VEGFC: variants seen among roughly 807,000 people sequenced by gnomAD.
VEGFC encodes vascular endothelial growth factor C.
VEGFC carries 12 observed loss-of-function variants against 46.1 expected under a neutral mutation model. The ratio of observed to expected loss-of-function variants is 0.26; its 90% CI spans 0.17 to 0.42. The LOEUF (loss-of-function observed/expected upper bound fraction) is 0.42, where lower values mean the gene tolerates loss of function less well. VEGFC is among the 10% of genes least tolerant of loss of function. The probability of loss-of-function intolerance (pLI) is 1.00; values close to 1 mark genes in which losing one functional copy is unlikely to be tolerated. For synonymous variants in VEGFC, 232 were observed against 195.5 expected (o/e 1.19, Z -1.56); for missense variants, 488 against 529.4 (o/e 0.92, Z 0.77).
chr4:176,692,978 C>A (rs1181970870), intron 4 of VEGFC, among the ~76,000 whole-genome samples: 3 of 150,502 alleles, frequency 2.0e-5, no homozygotes, highest in Non-Finnish European at 4.4e-5. Context: ...CCCATCTGTA[C>A]ATCACCATCA....
chr4:176,774,573 C>T (rs1735782575), intron 1 of VEGFC, among the ~76,000 whole-genome samples: 3 of 151,938 alleles, frequency 2.0e-5, no homozygotes, highest in South Asian at 4.2e-4. Context: ...AATATGAAAC[C>T]AAAAATTTAA....
At chr4:176,702,495 A>G (rs1734451290) in intron 4 of VEGFC, among the ~76,000 whole-genome samples, 1 of 152,130 alleles carries the variant, frequency 6.6e-6, no homozygotes, top group Non-Finnish European at 1.5e-5. Flanking sequence ...CTACCCAGAA[A>G]CAACCTCTGC....
chr4:176,783,712 G>A (rs1289477855), intron 1 of VEGFC, among the ~76,000 whole-genome samples: 3 of 152,126 alleles, frequency 2.0e-5, no homozygotes, highest in Non-Finnish European at 4.4e-5. Flanking sequence ...GCACCCAGGG[G>A]AAGTGGGAAC....
chr4:176,741,829 C>T (rs1735180885), intron 1 of VEGFC, among the ~76,000 whole-genome samples: 1 of 151,934 alleles, frequency 6.6e-6, no homozygotes, highest in African/African-American at 2.4e-5. Context: ...ATAAATGATA[C>T]ATTATTAAAG....
chr4:176,692,177 G>A (rs1323113052), intron 4 of VEGFC, among the ~76,000 whole-genome samples: 4 of 151,454 alleles, frequency 2.6e-5, no homozygotes, highest in South Asian at 2.1e-4. Flanking sequence ...GGCGGATCAC[G>A]AGGTCAGGAG....
intron 3 of VEGFC, among the ~76,000 whole-genome samples, chr4:176,716,633 G>A (rs573579432): frequency 5.9e-4 from 87 of 148,418 alleles, no homozygotes; most frequent in African/African-American, 2.0e-3. Flanking sequence ...GAGACCTCAC[G>A]GTGAGGGTGA....
intron 5 of VEGFC, 114 bp from the exon 6 acceptor site, chr4:176,687,634 T>A: frequency 8.8e-7 from 1 of 1,132,750 alleles, no homozygotes; most frequent in Non-Finnish European, 1.2e-6. Flanking sequence ...AAGGATTGGG[T>A]ACAAACATGA....
intron 4 of VEGFC, among the ~76,000 whole-genome samples, chr4:176,693,781 G>T (rs1343630414): frequency 2.9e-5 from 4 of 139,944 alleles, no homozygotes; most frequent in Non-Finnish European, 6.0e-5. Flanking sequence ...AGGATCTCTC[G>T]GCAGAAACCC....
intron 1 of VEGFC, among the ~76,000 whole-genome samples, chr4:176,730,878 C>T (rs1460046187): frequency 6.6e-6 from 1 of 151,900 alleles, no homozygotes; most frequent in Non-Finnish European, 1.5e-5. Flanking sequence ...TATTGAGAAA[C>T]ATAATCTAAT....
chr4:176,749,988 A>T (rs1261335806), intron 1 of VEGFC, among the ~76,000 whole-genome samples: 1 of 151,844 alleles, frequency 6.6e-6, no homozygotes, highest in Admixed American at 6.6e-5. Flanking sequence ...TTATTAAAAA[A>T]TTATGCCAAA....
chr4:176,692,643 C>A (rs1025139359), intron 4 of VEGFC, among the ~76,000 whole-genome samples: 1 of 145,020 alleles, frequency 6.9e-6, no homozygotes, highest in African/African-American at 2.8e-5. Context: ...AGGAGGCCTG[C>A]CTGCCTCTGT....
At chr4:176,728,318 G>C (rs1345293701) in intron 2 of VEGFC, among the ~76,000 whole-genome samples, 1 of 152,162 alleles carries the variant, frequency 6.6e-6, no homozygotes, top group Non-Finnish European at 1.5e-5. Context: ...TGTGCAGAGA[G>C]AGTCATGTTC....
At chr4:176,710,822 A>T (rs758024974) in intron 4 of VEGFC, among the ~76,000 whole-genome samples, 34 of 152,120 alleles carry the variant, frequency 2.2e-4, no homozygotes, top group Admixed American at 9.8e-4. Context: ...GGAGAACGTG[A>T]TAAGTTCTCC....
At chr4:176,718,209 A>T (rs1421947181) in intron 3 of VEGFC, among the ~76,000 whole-genome samples, 1 of 152,156 alleles carries the variant, frequency 6.6e-6, no homozygotes. Flanking sequence ...ACATCAGGAT[A>T]AAACCTGATT....
intron 4 of VEGFC, among the ~76,000 whole-genome samples, chr4:176,700,615 G>A (rs1734413051): frequency 6.6e-6 from 1 of 152,028 alleles, no homozygotes; most frequent in African/African-American, 2.4e-5. Flanking sequence ...GGGGACACAG[G>A]GAGAGTAGGA....
At chr4:176,686,994 T>C (rs1299561570) in intron 6 of VEGFC, among the ~76,000 whole-genome samples, 193 bp downstream of exon 6, 1 of 152,180 alleles carries the variant, frequency 6.6e-6, no homozygotes, top group Non-Finnish European at 1.5e-5. Flanking sequence ...TCAAGGCTCC[T>C]GTCTTGCTTT....
intron 4 of VEGFC, among the ~76,000 whole-genome samples, chr4:176,695,939 C>T (rs1734304430): frequency 6.7e-6 from 1 of 149,920 alleles, no homozygotes. Flanking sequence ...AACAACCCTT[C>T]ATGCTAAAAA....
At position 176,687,913 on chromosome 4, in the gene VEGFC, T is replaced by C. The variant is rs762706349; in HGVS notation, c.719A>G (p.Asn240Ser). 7.4e-6 allele frequency: 12 copies of C among 1,612,440 alleles called. No individual in the cohort carries two copies. The highest frequency in any genetic ancestry group is 9.3e-6 in the Non-Finnish European group (11 of 1,179,056). ...CATGTAATTGGTGGGGCAGGTCTTGTTCGCTGCCTGACACCTTTGGAAGAA... is the reference window on the plus strand; with the variant it reads ...CATGTAATTGGTGGGGCAGGTCTTGCTCGCTGCCTGACACCTTTGGAAGAA... ...PATLPQCQAA[N>S]KTCPTNYMWN... Residue 240 changes from asparagine to serine, a missense_variant, in exon 5 of 7, where the codon AAC becomes AGC. By Grantham distance (46) the Asn-to-Ser change is conservative (BLOSUM62 1). Coordinates refer to ENST00000618562, the MANE Select transcript of VEGFC (RefSeq NM_005429.5).
chr4:176,763,577 A>G (rs2110914654), intron 1 of VEGFC, among the ~76,000 whole-genome samples: 1 of 152,178 alleles, frequency 6.6e-6, no homozygotes, highest in East Asian at 1.9e-4. Context: ...ACTGGCATTC[A>G]TTTATTGTTA....
Sources: gnomAD v4.1 joint callset for allele counts (sites outside exome capture counted in the v4.1 genomes callset) on GRCh38, gnomAD v4.1.1 for gene constraint, MANE v1.5 for transcripts, NCBI Gene and HGNC (gene_info 2026-07-23, HGNC 2026-07-21) for gene names.